The following SEC16A variants were observed in gnomAD, a reference collection of about 807,000 sequenced individuals.
SEC16A encodes protein transport protein Sec16A.
In SEC16A, 110 loss-of-function variants were observed where a neutral mutation model predicts 221.9. The ratio of observed to expected loss-of-function variants is 0.50; its 90% CI spans 0.42 to 0.58. SEC16A has a LOEUF of 0.58. Ranked by LOEUF, SEC16A falls within the 20% of genes least tolerant of loss-of-function variation. SEC16A has a pLI of 0.00. For missense variants in SEC16A, 3,165 were observed against 3,097.8 expected, an observed-to-expected ratio of 1.02 and a Z score of -0.52; for synonymous variants, 1,393 against 1,257.7, an observed-to-expected ratio of 1.11 and a Z score of -2.28.
chr9:136,468,288 G>A, intron 5 of SEC16A, 127 bp downstream of exon 5: 5 of 542,714 alleles, frequency 9.2e-6, no homozygotes, highest in Non-Finnish European at 1.7e-5. Context: ...AAAACATAAA[G>A]AGATTAATAA....
intron 1 of SEC16A, among the ~76,000 whole-genome samples, chr9:136,481,612 G>A (rs1357315763): frequency 3.3e-5 from 5 of 152,142 alleles, no homozygotes; most frequent in South Asian, 2.1e-4. Flanking sequence ...CAGAACTGAG[G>A]CATTTAAAAT....
intron 8 of SEC16A, among the ~76,000 whole-genome samples, chr9:136,465,622 T>C (rs986851136): frequency 2.6e-5 from 4 of 152,178 alleles, no homozygotes; most frequent in Admixed American, 2.6e-4. Flanking sequence ...CCAAGGGGAA[T>C]GAGCAGCTCC....
rs993122674 is a variant in SEC16A, at chr9:136,457,358, C to G, written c.5550+86G>C. On this transcript the variant is annotated intron_variant, in intron 18 of 31. Coordinates refer to ENST00000684901, the MANE Select transcript of SEC16A (RefSeq NM_014866.2). Reference sequence around the variant, plus strand: ...CTACCACAATGCGCGTCTGAACCATCGCTACCCCCATGCCCGGGGGCTCTG... The same window carrying G: ...CTACCACAATGCGCGTCTGAACCATGGCTACCCCCATGCCCGGGGGCTCTG... 4.1e-6 allele frequency: 6 copies of G among 1,456,130 alleles called. No homozygotes were observed. The East Asian group carries it at 1.5e-4, about 36-fold the overall frequency. The allele number at this position is 1,456,130 out of a possible 1,614,324, so 90.2% of individuals were successfully genotyped here.
Position 136,474,989 on chromosome 9 carries a change from C to A in SEC16A, c.2627G>T (p.Gly876Val). Residue 876 changes from glycine to valine, a missense_variant, in exon 3 of 32, where the codon GGT becomes GTT. Gly to Val is a moderately radical substitution (Grantham distance 109, BLOSUM62 -3). Around this residue, in one of 3 missense-constraint regions of SEC16A, gnomAD observed 2,030 missense variants for 1,923.1 expected, o/e 1.06. Coordinates refer to ENST00000684901, the MANE Select transcript of SEC16A (RefSeq NM_014866.2). ...DRPAVSSWALGGDSGENTSLS... is the reference protein window; with the variant it reads ...DRPAVSSWALVGDSGENTSLS... ...AGAAGTGTTCTCCCCAGAATCACCA[C>A]CGAGAGCCCAACTGCTGACTGCAGG... The A allele has an allele frequency of 3.7e-6, 6 of 1,613,824 alleles. No homozygotes were observed. The highest frequency in any genetic ancestry group is 5.1e-6 in the Non-Finnish European group (6 of 1,179,878).
Position 136,477,693 on chromosome 9 carries a change from G to A in SEC16A, c.-69-9C>T. The stretch of plus-strand genomic sequence containing the variant: ...CTGTTCCTTAATTGGAGCTGGAAAA[G>A]AAAAAGAGAAAATCAGCATAAAATC... On this transcript the variant is annotated splice_polypyrimidine_tract_variant and intron_variant, in intron 2 of 31. Coordinates refer to ENST00000684901, the MANE Select transcript of SEC16A (RefSeq NM_014866.2). 1.4e-6 allele frequency: 2 copies of A among 1,448,240 alleles called. No homozygotes were observed. The highest frequency in any genetic ancestry group is 2.8e-5 in the Admixed American group (1 of 36,172). The allele number at this position is 1,448,240 out of a possible 1,614,324, so 89.7% of individuals were successfully genotyped here. A position where few individuals can be genotyped will look rare whatever the true frequency, so the allele number is the denominator to read the frequency against.
Position 136,476,413 on chromosome 9 carries a change from G to C in SEC16A, c.1203C>G (p.Asp401Glu). ...KAGLSGQADF[D>E]DFCSSPGLGR... The stretch of plus-strand genomic sequence containing the variant: ...CTAGCCCAGGGCTGGAGCAGAAATC[G>C]TCAAAGTCCGCTTGACCAGATAAGC... The change falls in exon 3 of 32, where the codon GAC (aspartate) becomes GAG (glutamate). Residue 401 changes from aspartate (D) to glutamate (E), a missense_variant. Physicochemically the swap from Asp to Glu is conservative, Grantham distance 45. This residue lies in a region of SEC16A where 2,030 missense variants were observed against 1,923.1 expected (regional missense o/e 1.06). Transcript: ENST00000684901. 2 of 1,612,938 alleles carry C rather than the reference G, an allele frequency of 1.2e-6. No individual in the cohort carries two copies. Among genetic ancestry groups the C allele is most frequent in the South Asian group, 1.1e-5 (1 of 91,082 alleles).
Position 136,455,759 on chromosome 9 carries a change from A to G in SEC16A, c.5699T>C (p.Leu1900Pro), listed in dbSNP as rs777507267. The G allele has an allele frequency of 1.2e-6, 2 of 1,601,042 alleles. No homozygotes were observed. Among genetic ancestry groups the G allele is most frequent in the Non-Finnish European group, 1.7e-6 (2 of 1,174,204 alleles). ...GAGVWHQDGA[L>P]PQQCPGTPSS... ...CGGAGTGCCAGGACACTGCTGCGGG[A>G]GGGCTCCATCCTGATGCCATACTCC... The change falls in exon 20 of 32, where the codon CTC (leucine) becomes CCC (proline). Residue 1900 changes from leucine (L) to proline (P), a missense_variant. Physicochemically the swap from Leu to Pro is moderately conservative, Grantham distance 98 (BLOSUM62 -3). This residue lies in a region of SEC16A where 1,088 missense variants were observed against 1,089.6 expected (regional missense o/e 1.00). Coordinates refer to ENST00000684901, the MANE Select transcript of SEC16A (RefSeq NM_014866.2).
Position 136,474,470 on chromosome 9 carries a change from T to C in SEC16A, c.3146A>G (p.Gln1049Arg). The change falls in exon 3 of 32, where the codon CAG (glutamine) becomes CGG (arginine). Residue 1049 changes from glutamine (Q) to arginine (R), a missense_variant. By Grantham distance (43) the Gln-to-Arg change is conservative. Coordinates refer to ENST00000684901, the MANE Select transcript of SEC16A (RefSeq NM_014866.2). ...GGCTCTTTCGAGGCCAGGCTGGCCC[T>C]GGGCATCTTTCGTGACCTGCTGATA... ...RFYQQVTKDA[Q>R]GQPGLERAQQ... 1 of 1,613,074 alleles carries C rather than the reference T, an allele frequency of 6.2e-7. No individual in the cohort carries two copies. The highest frequency in any genetic ancestry group is 8.5e-7 in the Non-Finnish European group (1 of 1,179,886).
chr9:136,454,210 G>T lies in SEC16A; in HGVS notation c.5975C>A (p.Ala1992Glu). The T allele has an allele frequency of 6.4e-7, 1 of 1,565,676 alleles. No individual in the cohort carries two copies. Among genetic ancestry groups the T allele is most frequent in the Non-Finnish European group, 8.7e-7 (1 of 1,155,122 alleles). Reference sequence around the variant, plus strand: ...CCCGGAGGGCTCCAGGAAGCCAAGTGCAGGCCCTGGGGTCACACAGCCAGG... The same window carrying T: ...CCCGGAGGGCTCCAGGAAGCCAAGTTCAGGCCCTGGGGTCACACAGCCAGG... ...PGPGCVTPGP[A>E]LGFLEPSGPG... The change falls in exon 21 of 32, where the codon GCA becomes GAA. Residue 1992 changes from alanine to glutamate, a missense_variant. Physicochemically the swap from Ala to Glu is moderately radical, Grantham distance 107. Transcript: ENST00000684901.
At chr9:136,464,355 C>G in intron 9 of SEC16A, 65 bp downstream of exon 9, 1 of 1,480,290 alleles carries the variant, frequency 6.8e-7, no homozygotes, top group Non-Finnish European at 9.1e-7. Flanking sequence ...AGATGACAAA[C>G]TGCAAAGCAG....
chr9:136,475,405 G>C lies in SEC16A; in HGVS notation c.2211C>G (p.Asn737Lys), dbSNP rs762230036. 1 of 1,610,172 alleles carries C rather than the reference G, an allele frequency of 6.2e-7. No homozygotes were observed. Among genetic ancestry groups the C allele is most frequent in the Non-Finnish European group, 8.5e-7 (1 of 1,177,492 alleles). ...CCGGGGCTGCAGGGGCCAGAAGGAC[G>C]TTGCCTCCAAAATCTGGCAGCTCAC... The part of the protein sequence containing the change: ...AQSELPDFGG[N>K]VLLAPAAPAL... The change falls in exon 3 of 32, where the codon AAC (asparagine) becomes AAG (lysine). Residue 737 changes from asparagine to lysine, a missense_variant. Around this residue, in one of 3 missense-constraint regions of SEC16A, gnomAD observed 2,030 missense variants for 1,923.1 expected, o/e 1.06. Transcript: ENST00000684901. The surrounding 1 kb of genome is among the most constrained non-coding windows in gnomAD (Gnocchi z 5.0).
At chr9:136,482,038 G>A (rs1291263989) in intron 1 of SEC16A, among the ~76,000 whole-genome samples, 1 of 152,170 alleles carries the variant, frequency 6.6e-6, no homozygotes, top group African/African-American at 2.4e-5. Flanking sequence ...AAAACTTTAA[G>A]TACAATTTTG....
intron 23 of SEC16A, among the ~76,000 whole-genome samples, chr9:136,450,686 G>A (rs1473345294): frequency 6.6e-6 from 1 of 152,160 alleles, no homozygotes; most frequent in African/African-American, 2.4e-5. Flanking sequence ...GGGATATCCA[G>A]GGCCCTTGTC....
At chr9:136,483,402 C>G, upstream of SEC16A, 1 of 755,020 alleles carries the variant, frequency 1.3e-6, no homozygotes, top group Non-Finnish European at 1.6e-6. Context: ...GCCCGTCGTC[C>G]GTCTTTCTCC....
chr9:136,454,941 G>A (rs574290963), intron 20 of SEC16A, among the ~76,000 whole-genome samples: 6 of 152,346 alleles, frequency 3.9e-5, no homozygotes, highest in South Asian at 4.1e-4. Flanking sequence ...GGTCCACAGC[G>A]TGGGAGTGGA....
chr9:136,482,819 G>C (rs965019797), intron 1 of SEC16A, 119 bp downstream of exon 1: 2 of 239,100 alleles, frequency 8.4e-6, no homozygotes, highest in Non-Finnish European at 1.4e-5. Flanking sequence ...CCGCCCGCTC[G>C]GGGCTGGGCC....
chr9:136,450,913 C>T (rs1044291039), intron 23 of SEC16A, among the ~76,000 whole-genome samples: 4 of 152,258 alleles, frequency 2.6e-5, no homozygotes, highest in Non-Finnish European at 5.9e-5. Flanking sequence ...CCAAAGTCCA[C>T]GGCTGGGAGA....
intron 22 of SEC16A, 67 bp from the exon 23 acceptor site, chr9:136,451,475 A>AT: frequency 1.3e-6 from 2 of 1,501,780 alleles, no homozygotes; most frequent in Non-Finnish European, 1.8e-6. Context: ...AGAGAGGGGG[A>AT]TGCAATTCCC....
intron 12 of SEC16A, 82 bp from the exon 13 acceptor site, chr9:136,461,356 C>T (rs73670276): frequency 2.0e-5 from 20 of 997,408 alleles, no homozygotes; most frequent in African/African-American, 1.1e-4. Context: ...TGTGTCCTCA[C>T]GCAGCAGCAG....
Sources: allele counts gnomAD v4.1 joint callset (sites outside exome capture counted in the v4.1 genomes callset), GRCh38; gene constraint gnomAD v4.1.1; regional missense constraint gnomAD v4.1.1; non-coding constraint Gnocchi (gnomAD v3.1); transcripts MANE v1.5; gene names NCBI Gene and HGNC (gene_info 2026-07-23, HGNC 2026-07-21).